Variants in PGAP6 observed in about 807,000 individuals in gnomAD.
PGAP6 encodes post-GPI attachment to proteins 6.
A neutral mutation model predicts 68.4 loss-of-function variants in PGAP6; 62 were observed. The observed-to-expected ratio is 0.91, with a 90% CI of 0.74 to 1.12. The LOEUF is 1.12. Among genes scored for constraint, PGAP6 ranks in the 50% most tolerant of loss-of-function variants. PGAP6 has a pLI of 0.00. For missense variants in PGAP6, 1,188 were observed against 1,068.5 expected (o/e 1.11, Z -1.56); for synonymous variants, 575 against 474.0 (o/e 1.21, Z -2.77).
chr16:385,130 C>T (rs1210336521), upstream of PGAP6, among the ~76,000 whole-genome samples: 1 of 149,492 alleles, frequency 6.7e-6, no homozygotes, highest in Non-Finnish European at 1.5e-5. Flanking sequence ...CAGGCCACTG[C>T]ACTCCAGCCT....
In PGAP6 at chr16:377,569, C is replaced by T. The variant is rs561240138; in HGVS notation, c.316G>A (p.Ala106Thr). The T allele has an allele frequency of 4.4e-6, 7 of 1,578,812 alleles. No homozygotes were observed. Among genetic ancestry groups the T allele is most frequent in the East Asian group, 4.6e-5 (2 of 43,110 alleles). Residue 106 changes from alanine (A) to threonine (T), a missense_variant, in exon 3 of 13, where the codon GCC becomes ACC. Coordinates refer to ENST00000431232, the MANE Select transcript of PGAP6 (RefSeq NM_021259.3). ...AEITVHFRSGAPPVINPLGTS... is the reference protein window; with the variant it reads ...AEITVHFRSGTPPVINPLGTS... ...CCCAGCGGGTTGATGACCGGAGGGG[C>T]GCCGGAACGGAAGTGCCTGGAGACG...
chr16:375,657 G>C (rs1391819280), intron 6 of PGAP6, among the ~76,000 whole-genome samples: 2 of 151,782 alleles, frequency 1.3e-5, no homozygotes, highest in Admixed American at 6.6e-5. Flanking sequence ...TCAGCCTCCC[G>C]AGTAGCTGGG....
In PGAP6 at chr16:372,626, G is replaced by C; in HGVS notation, c.2004C>G (p.Ile668Met). 1 of 1,611,770 alleles carries C rather than the reference G, an allele frequency of 6.2e-7. No individual in the cohort carries two copies. The highest frequency in any genetic ancestry group is 8.5e-7 in the Non-Finnish European group (1 of 1,179,566). ...MLGPCLFAFV[I>M]MASMWAYRCG... is the part of the protein sequence containing the mutation. ...GGCTCCTTACCCACATGGAGGCCAT[G>C]ATCACGAAGGCAAAGAGGCAGGGCC... Residue 668 changes from isoleucine to methionine, a missense_variant, in exon 12 of 13, where the codon ATC (isoleucine) becomes ATG (methionine). Coordinates refer to ENST00000431232, the MANE Select transcript of PGAP6 (RefSeq NM_021259.3).
At chr16:372,803 G>T in intron 11 of PGAP6, 76 bp from the exon 12 acceptor site, 1 of 1,040,140 alleles carries the variant, frequency 9.6e-7, no homozygotes, top group Non-Finnish European at 1.4e-6. Context: ...GTACCCCACG[G>T]CCCCACAGCA....
chr16:380,387 G>T (rs1358723307), intron 1 of PGAP6, among the ~76,000 whole-genome samples: 1 of 147,918 alleles, frequency 6.8e-6, no homozygotes, highest in African/African-American at 2.5e-5. Flanking sequence ...TTTTTTTTGA[G>T]ATGGAGTCTC....
In PGAP6 at chr16:374,346, G is replaced by A. The variant is rs756373034; in HGVS notation, c.1630C>T (p.Gln544Ter). The A allele has an allele frequency of 5.0e-6, 8 of 1,602,128 alleles. No individual in the cohort carries two copies. In the Admixed American group the frequency reaches 1.0e-4, roughly 20 times the overall value. ...DNSTAQTVAQ[Q>*]RAATLLLTLS... ...GTGAGCAGCAGTGTGGCCGCCCTCT[G>A]CTGGGCCACCGTCTGGGCTGTGCTG... is the stretch of plus-strand genomic sequence containing the variant. The change falls in exon 10 of 13, where the codon CAG (glutamine) becomes TAG (stop). Residue 544 changes from glutamine (Q) to a stop codon, truncating the protein, a stop_gained. Coordinates refer to ENST00000431232, the MANE Select transcript of PGAP6 (RefSeq NM_021259.3). LOFTEE classifies it high-confidence loss of function.
upstream of PGAP6, chr16:382,281 C>A: frequency 2.5e-6 from 1 of 392,600 alleles, no homozygotes; most frequent in Non-Finnish European, 4.5e-6. Context: ...CCCGCCGGTT[C>A]GCTGAGTCCC....
At chr16:372,755 G>A (rs374211218) in intron 11 of PGAP6, 28 bp from the exon 12 acceptor site, 3 of 1,547,828 alleles carry the variant, frequency 1.9e-6, no homozygotes, top group Admixed American at 1.7e-5. Context: ...ATGACTGCAG[G>A]GACGTCTCTG....
chr16:375,297 C>A (rs201051325), intron 7 of PGAP6, 41 bp from the exon 8 acceptor site: 2 of 1,612,512 alleles, frequency 1.2e-6, no homozygotes, highest in East Asian at 4.5e-5. Flanking sequence ...GAGGCCGGGG[C>A]GGGGGGCTGG....
chr16:372,474 C>A lies in PGAP6; in HGVS notation c.2019+137G>T, dbSNP rs2054343739. 5 of 959,370 alleles carry A rather than the reference C, an allele frequency of 5.2e-6. No homozygotes were observed. The East Asian group carries it at 1.2e-4, about 23-fold the overall frequency. The allele number at this position is 959,370 out of a possible 1,614,324, so 59.4% of individuals were successfully genotyped here. A position where few individuals can be genotyped will look rare whatever the true frequency, so the allele number is the denominator to read the frequency against. ...TCAGGGACACAGCCATGCTGGGCCT[C>A]TGTGGGTGCCATGGCAACCCCCAGC... On this transcript the variant is annotated intron_variant, in intron 12 of 12. Coordinates refer to ENST00000431232, the MANE Select transcript of PGAP6 (RefSeq NM_021259.3).
rs2054442604 is a variant in PGAP6 at position 381,873 on chromosome 16, C to CCCG, written c.-55_-53dup. 1.0e-6 allele frequency: 1 copy of CCCG among 976,544 alleles called. No individual in the cohort carries two copies. The allele number at this position is 976,544 out of a possible 1,614,324, so 60.5% of individuals were successfully genotyped here. A position where few individuals can be genotyped will look rare whatever the true frequency, so the allele number is the denominator to read the frequency against. ...CGGCCCGCGTCCCGCGCCGCCGGCC[C>CCCG]CCGCCGCCGCCCGGGCAGCCTCTGC... On this transcript the variant is annotated 5_prime_UTR_variant, in exon 1 of 13. Coordinates refer to ENST00000431232, the MANE Select transcript of PGAP6 (RefSeq NM_021259.3).
intron 7 of PGAP6, 36 bp downstream of exon 7, chr16:375,309 C>T (rs780026676): frequency 1.7e-5 from 28 of 1,612,456 alleles, no homozygotes; most frequent in South Asian, 2.2e-5. Context: ...GGGGGCTGGC[C>T]GGGGCCACGC....
chr16:375,533 CTTTTT>C, intron 6 of PGAP6, 98 bp from the exon 7 acceptor site: 2 of 751,332 alleles, frequency 2.7e-6, no homozygotes, highest in Non-Finnish European at 4.2e-6. Flanking sequence ...TGGTGCCTTT[CTTTTT>C]TTTTTTTTTT....
chr16:378,177 C>A (rs2054403942), intron 1 of PGAP6, among the ~76,000 whole-genome samples: 1 of 150,088 alleles, frequency 6.7e-6, no homozygotes, highest in African/African-American at 2.5e-5. Flanking sequence ...CCCGCACTGC[C>A]ATCCCCACCC....
rs370812176 is a variant in PGAP6, at chr16:377,085, G to A, written c.587C>T (p.Pro196Leu). 42 of 1,613,400 alleles carry A rather than the reference G, an allele frequency of 2.6e-5. No individual in the cohort carries two copies. The highest frequency in any genetic ancestry group is 1.9e-4 in the South Asian group (17 of 91,094). ...GAGGGTCTGAGGAAGGGGCACGTCC[G>A]GCTCCATGATGGAAATCTCGACCAC... The part of the protein sequence containing the change: ...TRVVEISIME[P>L]DVPLPQTLLS... Residue 196 changes from proline (P) to leucine (L), a missense_variant, in exon 4 of 13, where the codon CCG becomes CTG. By Grantham distance (98) the Pro-to-Leu change is moderately conservative. Coordinates refer to ENST00000431232, the MANE Select transcript of PGAP6 (RefSeq NM_021259.3).
upstream of PGAP6, among the ~76,000 whole-genome samples, chr16:382,973 C>T (rs1038040061): frequency 6.6e-6 from 1 of 152,096 alleles, no homozygotes; most frequent in Non-Finnish European, 1.5e-5. Flanking sequence ...CCTCCCTCAG[C>T]GCAGAAATGC....
intron 1 of PGAP6, among the ~76,000 whole-genome samples, chr16:378,217 G>C (rs80354030): frequency 0.011 from 1,487 of 136,518 alleles, 15 homozygotes; most frequent in African/African-American, 0.042. Context: ...GACTGCCATC[G>C]CCACCCTGAC....
chr16:383,192 A>G (rs1403224327), upstream of PGAP6: 1 of 130,616 alleles, frequency 7.7e-6, no homozygotes, highest in Non-Finnish European at 1.6e-5. Flanking sequence ...TGTGAGGGTA[A>G]AAAGTTTAAA....
rs1485380734 is a variant in PGAP6 at position 374,088 on chromosome 16, G to A, written c.1819C>T (p.Gln607Ter). ...CCGGAGCCCAAGAAGTCGCAGTACT[G>A]CAGCGTGTCGTAGCTGAGGATGCAC... ...VLCILSYDTL[Q>*]YCDFLGSGAA... The change falls in exon 11 of 13, where the codon CAG becomes TAG. Residue 607 changes from glutamine to a stop codon, truncating the protein, a stop_gained. Transcript: ENST00000431232. LOFTEE classifies it high-confidence loss of function. 5.0e-6 allele frequency: 8 copies of A among 1,611,946 alleles called. No individual in the cohort carries two copies. The highest frequency in any genetic ancestry group is 6.8e-6 in the Non-Finnish European group (8 of 1,179,952).
Sources: allele counts gnomAD v4.1 joint callset (sites outside exome capture counted in the v4.1 genomes callset), GRCh38; gene constraint gnomAD v4.1.1; transcripts MANE v1.5; gene names NCBI Gene and HGNC (gene_info 2026-07-23, HGNC 2026-07-21).